The following TMEM132B variants were observed in gnomAD, a reference collection of about 807,000 sequenced individuals.
TMEM132B encodes the protein transmembrane protein 132B.
TMEM132B carries 18 observed loss-of-function variants against 90.8 expected under a neutral mutation model. That is an observed-to-expected ratio of 0.20 (90% CI 0.14 to 0.29). The LOEUF (loss-of-function observed/expected upper bound fraction) is 0.29. Among genes scored for constraint, TMEM132B ranks in the 10% least tolerant of loss-of-function variants. The pLI is 1.00. For missense variants in TMEM132B, 1,096 were observed against 1,326.8 expected, an observed-to-expected ratio of 0.83 and a Z score of 2.70; for synonymous variants, 504 against 523.3, an observed-to-expected ratio of 0.96 and a Z score of 0.50.
chr12:125,460,800 C>A lies in TMEM132B; in HGVS notation c.1106+45123C>A, dbSNP rs955266322. ...TCTACAGGGAAGATCCTGGAAAATT[C>A]TCACAAAATCAAATCTTGGCCTTTC... On this transcript the variant is annotated intron_variant, in intron 3 of 8. Transcript: ENST00000682704. This position sits in a 1 kb window ranked among gnomAD's most constrained non-coding sequence, Gnocchi z 4.4. 3.3e-4 allele frequency among the ~76,000 whole-genome samples: 50 copies of A among 152,236 alleles called. No individual in the cohort carries two copies. Among genetic ancestry groups the A allele is most frequent in the African/African-American group, 1.2e-3 (48 of 41,468 alleles).
chr12:125,654,814 G>A lies in TMEM132B; in HGVS notation c.*104G>A. 7.5e-7 allele frequency: 1 copy of A among 1,324,726 alleles called. No individual in the cohort carries two copies. Among genetic ancestry groups the A allele is most frequent in the Non-Finnish European group, 1.0e-6 (1 of 967,120 alleles). The allele number at this position is 1,324,726 out of a possible 1,614,324, so 82.1% of individuals were successfully genotyped here. A position where few individuals can be genotyped will look rare whatever the true frequency, so the allele number is the denominator to read the frequency against. ...GGGATGATTTAACAAAGTTTGATTT[G>A]TGGAGGTCTGGTGGGATTCATTTCT... is the stretch of plus-strand genomic sequence containing the variant. On this transcript the variant is annotated 3_prime_UTR_variant, in exon 9 of 9. Transcript: ENST00000682704. The surrounding 1 kb of genome is among the most constrained non-coding windows in gnomAD (Gnocchi z 5.8).
At chr12:125,366,273 A>C (rs1878130351) in intron 2 of TMEM132B, among the ~76,000 whole-genome samples, 1 of 152,008 alleles carries the variant, frequency 6.6e-6, no homozygotes, top group African/African-American at 2.4e-5. Flanking sequence ...TTATTCGTTC[A>C]TCCATTGATG....
intron 1 of TMEM132B, among the ~76,000 whole-genome samples, chr12:125,253,123 G>T (rs1405610113): frequency 6.6e-6 from 1 of 152,156 alleles, no homozygotes; most frequent in African/African-American, 2.4e-5. Flanking sequence ...CAGAGGAAAT[G>T]ACCCCCTCGT....
chr12:125,415,142 C>T lies in TMEM132B; in HGVS notation c.960-389C>T, dbSNP rs1447474353. On this transcript the variant is annotated intron_variant, in intron 2 of 8. Coordinates refer to ENST00000682704, the MANE Select transcript of TMEM132B (RefSeq NM_001366854.1). This position sits in a 1 kb window ranked among gnomAD's most constrained non-coding sequence, Gnocchi z 5.3. The stretch of plus-strand genomic sequence containing the variant: ...TGTGATCTTCTGGCCTTGCACAACC[C>T]ACCCCGCATCTTAAAGACTCTTCTC... Among the ~76,000 whole-genome samples, 1 of 152,166 alleles carries T rather than the reference C, an allele frequency of 6.6e-6. No homozygotes were observed. Among genetic ancestry groups the T allele is most frequent in the Non-Finnish European group, 1.5e-5 (1 of 68,042 alleles).
At chr12:125,295,777 C>G (rs34661195) in intron 1 of TMEM132B, among the ~76,000 whole-genome samples, 28,398 of 152,042 alleles carry the variant, frequency 0.19, 3,651 homozygotes, top group African/African-American at 0.37. Flanking sequence ...TTGGGCAAGA[C>G]AGAGCCTTAG....
At chr12:125,595,357 T>G (rs1212972565) in intron 5 of TMEM132B, among the ~76,000 whole-genome samples, 1 of 152,182 alleles carries the variant, frequency 6.6e-6, no homozygotes, top group Admixed American at 6.6e-5. Context: ...AAAGGGGGCT[T>G]CAGAGTCCAG....
intron 4 of TMEM132B, among the ~76,000 whole-genome samples, chr12:125,531,798 G>A (rs932395206): frequency 9.2e-5 from 14 of 152,186 alleles, no homozygotes; most frequent in Admixed American, 3.9e-4. Flanking sequence ...CTGTCCACTG[G>A]GTGCACTTTA....
chr12:125,609,484 T>A (rs1187298422), intron 5 of TMEM132B, among the ~76,000 whole-genome samples: 1 of 152,040 alleles, frequency 6.6e-6, no homozygotes, highest in Admixed American at 6.6e-5. Context: ...GATTTGTAGG[T>A]AATTTTTTTG....
In TMEM132B at chr12:125,630,780, C is replaced by CT. The variant is rs548235533; in HGVS notation, c.1438-13294dup. 1.3e-3 allele frequency among the ~76,000 whole-genome samples: 200 copies of CT among 152,120 alleles called. 1 individual carries two copies. The highest frequency in any genetic ancestry group is 4.4e-3 in the African/African-American group (182 of 41,540). On this transcript the variant is annotated intron_variant, in intron 5 of 8. Transcript: ENST00000682704. ...ATTAGGCCCCACTGTCTGTTGTTCC[C>CT]TTCTTTGCGTACATAAGTTCTCATC...
chr12:125,430,907 C>T (rs549611815), intron 3 of TMEM132B, among the ~76,000 whole-genome samples: 14 of 152,084 alleles, frequency 9.2e-5, no homozygotes, highest in South Asian at 2.1e-4. Flanking sequence ...GCCTCTCTGA[C>T]GAGCAGAGCC....
chr12:125,514,527 A>C (rs963353076), intron 3 of TMEM132B, among the ~76,000 whole-genome samples: 2 of 152,236 alleles, frequency 1.3e-5, no homozygotes, highest in Admixed American at 6.5e-5. Flanking sequence ...GTCTCATAAG[A>C]AAAAACAGAT....
chr12:125,481,260 A>G (rs1452930853), intron 3 of TMEM132B, among the ~76,000 whole-genome samples: 1 of 152,248 alleles, frequency 6.6e-6, no homozygotes, highest in East Asian at 1.9e-4. Context: ...GGCCAGGGCA[A>G]TCAGGCAAGA....
At chr12:125,364,830 T>C (rs1464093198) in intron 2 of TMEM132B, among the ~76,000 whole-genome samples, 2 of 152,048 alleles carry the variant, frequency 1.3e-5, no homozygotes, top group African/African-American at 4.8e-5. Context: ...ATACAGTTGA[T>C]TTTTTTGTGT....
chr12:125,289,569 C>T (rs928046396), intron 1 of TMEM132B, among the ~76,000 whole-genome samples: 2 of 152,218 alleles, frequency 1.3e-5, no homozygotes, highest in African/African-American at 4.8e-5. Flanking sequence ...GACAATGGAA[C>T]CCAGACAGAG....
chr12:125,504,209 A>C (rs1468884685), intron 3 of TMEM132B, among the ~76,000 whole-genome samples: 1 of 152,096 alleles, frequency 6.6e-6, no homozygotes, highest in Non-Finnish European at 1.5e-5. Flanking sequence ...GGTGAGTGGA[A>C]GGTTACAAGA....
At chr12:125,456,918 T>C (rs1047681235) in intron 3 of TMEM132B, among the ~76,000 whole-genome samples, 1 of 152,214 alleles carries the variant, frequency 6.6e-6, no homozygotes, top group African/African-American at 2.4e-5. Context: ...TGGGAACCCC[T>C]CTCTGGAGCT....
chr12:125,282,040 AAAAAAAAAAAAAAAAAAAAAG>A (rs1235911075), intron 1 of TMEM132B, among the ~76,000 whole-genome samples: 2 of 121,634 alleles, frequency 1.6e-5, no homozygotes, highest in African/African-American at 6.6e-5. Flanking sequence ...AAAAAAAAAA[AAAAAAAAAAAAAAAAAAAAAG>A]AGAGACTTTT....
intron 3 of TMEM132B, among the ~76,000 whole-genome samples, chr12:125,439,225 T>C (rs1371039781): frequency 6.6e-6 from 1 of 152,110 alleles, no homozygotes; most frequent in Non-Finnish European, 1.5e-5. Flanking sequence ...AGGAAGAGCA[T>C]TGAATAGCAT....
chr12:125,505,178 A>AAAC, intron 3 of TMEM132B, among the ~76,000 whole-genome samples: 1 of 141,274 alleles, frequency 7.1e-6, no homozygotes, highest in African/African-American at 2.6e-5. Flanking sequence ...AAAAAAAAAA[A>AAAC]AAAAAAAAAA....
Sources: gnomAD v4.1 joint callset for allele counts (sites outside exome capture counted in the v4.1 genomes callset) on GRCh38, gnomAD v4.1.1 for gene constraint, Gnocchi (gnomAD v3.1) non-coding constraint, MANE v1.5 for transcripts, NCBI Gene and HGNC (gene_info 2026-07-23, HGNC 2026-07-21) for gene names.